Variants in DPF3 observed in about 807,000 individuals in gnomAD.
The protein encoded by DPF3 is zinc finger protein DPF3.
Under a neutral mutation model 56.8 loss-of-function variants are expected in DPF3, and 18 were observed. The ratio of observed to expected loss-of-function variants is 0.32; its 90% CI spans 0.22 to 0.47. DPF3 has a LOEUF of 0.47. Ranked by LOEUF, DPF3 falls within the 20% of genes least tolerant of loss-of-function variation. DPF3 has a pLI of 1.00. For missense variants in DPF3, 403 were observed against 488.8 expected, an observed-to-expected ratio of 0.82 and a Z score of 1.65; for synonymous variants, 188 against 180.2, an observed-to-expected ratio of 1.04 and a Z score of -0.35.
At chr14:72,620,099 TC>T in intron 9 of DPF3, 115 bp from the exon 10 acceptor site, 1 of 1,087,200 alleles carries the variant, frequency 9.2e-7, no homozygotes, top group Non-Finnish European at 1.3e-6. Context: ...GGATCCCCTT[TC>T]CAGGCCCCAC....
chr14:72,644,184 G>A (rs775277362), intron 8 of DPF3, among the ~76,000 whole-genome samples: 11 of 152,234 alleles, frequency 7.2e-5, no homozygotes, highest in South Asian at 6.2e-4. Flanking sequence ...CACTGCATAC[G>A]GGAGAAACAT....
Position 72,612,396 on chromosome 14 carries a change from T to C in DPF3, c.*6901A>G, listed in dbSNP as rs1883779926. On this transcript the variant is annotated 3_prime_UTR_variant, in exon 11 of 11. Coordinates refer to ENST00000556509, the MANE Select transcript of DPF3 (RefSeq NM_001280542.3). ...CTGAGATAATCATTCTATATTTTCA[T>C]GCTCTTGCTCACATATCAGGCAGTG... is the stretch of plus-strand genomic sequence containing the variant. The C allele has an allele frequency of 2.0e-6, 1 of 500,570 alleles. No individual in the cohort carries two copies. The highest frequency in any genetic ancestry group is 2.0e-5 in the Admixed American group (1 of 49,724). 31.0% of individuals were successfully genotyped at this position (500,570 alleles called of 1,614,324 possible).
rs201365227 is a variant in DPF3, at chr14:72,767,393, C to T, written c.193+4340G>A. ...GCAGCCATCATTAAAAGTGTTTCAA[C>T]GAGCAATTATGAACACATAAAACAC... On this transcript the variant is annotated intron_variant, in intron 2 of 10. Coordinates refer to ENST00000556509, the MANE Select transcript of DPF3 (RefSeq NM_001280542.3). Among the ~76,000 whole-genome samples, 14 of 152,012 alleles carry T rather than the reference C, an allele frequency of 9.2e-5. No homozygotes were observed. In the East Asian group the frequency reaches 1.2e-3, roughly 13 times the overall value.
chr14:72,790,520 G>T (rs1196569397), intron 1 of DPF3, among the ~76,000 whole-genome samples: 2 of 152,152 alleles, frequency 1.3e-5, no homozygotes, highest in African/African-American at 4.8e-5. Context: ...ACTTTACAGT[G>T]TACCAGGCAC....
chr14:72,744,794 GCATAAATTTTTTGTGA>G (rs143987394), intron 3 of DPF3, among the ~76,000 whole-genome samples: 4,408 of 152,138 alleles, frequency 0.029, 164 homozygotes, highest in Admixed American at 0.088. Flanking sequence ...CTGAATGTTG[GCATAAATTTTTTGTGA>G]CATCTCCTCA....
At chr14:72,627,845 T>C (rs1599314141) in intron 9 of DPF3, among the ~76,000 whole-genome samples, 1 of 152,126 alleles carries the variant, frequency 6.6e-6, no homozygotes, top group South Asian at 2.1e-4. Flanking sequence ...TTTGTTTATA[T>C]AGGTTTTGCA....
chr14:72,732,561 C>T (rs1213341654), intron 3 of DPF3, among the ~76,000 whole-genome samples: 1 of 152,216 alleles, frequency 6.6e-6, no homozygotes, highest in Non-Finnish European at 1.5e-5. Context: ...AGAGGAGCGA[C>T]GGCGAATGCC....
chr14:72,678,700 T>C (rs751397974), intron 7 of DPF3, among the ~76,000 whole-genome samples: 1 of 152,208 alleles, frequency 6.6e-6, no homozygotes, highest in Non-Finnish European at 1.5e-5. Flanking sequence ...TCCCGCTTTA[T>C]AGAATAAGAT....
intron 5 of DPF3, among the ~76,000 whole-genome samples, chr14:72,718,612 T>C (rs1889031466): frequency 6.6e-6 from 1 of 152,140 alleles, no homozygotes; most frequent in African/African-American, 2.4e-5. Context: ...TAAACCACAA[T>C]AGGTTCAGAG....
chr14:72,833,576 A>C (rs1320604515), intron 1 of DPF3, among the ~76,000 whole-genome samples: 1 of 152,088 alleles, frequency 6.6e-6, no homozygotes, highest in Non-Finnish European at 1.5e-5. Flanking sequence ...GGGAAAAAAA[A>C]AATTTAAGGG....
intron 2 of DPF3, among the ~76,000 whole-genome samples, chr14:72,769,993 T>C (rs1891455921): frequency 6.6e-6 from 1 of 152,198 alleles, no homozygotes; most frequent in Admixed American, 6.5e-5. Context: ...TTTTTCTTTA[T>C]AGAAGTTGTA....
intron 5 of DPF3, among the ~76,000 whole-genome samples, chr14:72,721,851 C>T (rs1025329709): frequency 6.6e-6 from 1 of 152,150 alleles, no homozygotes; most frequent in African/African-American, 2.4e-5. Flanking sequence ...AAATACCACC[C>T]TCCCACCACT....
chr14:72,773,633 C>T (rs931961816), intron 1 of DPF3, among the ~76,000 whole-genome samples: 5 of 152,182 alleles, frequency 3.3e-5, no homozygotes, highest in African/African-American at 7.2e-5. Flanking sequence ...TCCGCCTCTG[C>T]CCCCATCTCC....
intron 1 of DPF3, among the ~76,000 whole-genome samples, chr14:72,817,526 T>C (rs967954879): frequency 1.3e-5 from 2 of 152,000 alleles, no homozygotes; most frequent in African/African-American, 4.8e-5. Context: ...ATACAAAAAT[T>C]AGCCAGGCAT....
intron 7 of DPF3, 137 bp downstream of exon 7, chr14:72,692,939 C>T: frequency 6.9e-7 from 1 of 1,444,544 alleles, no homozygotes; most frequent in South Asian, 1.4e-5. Context: ...CTGAAAGGGC[C>T]AACACACTAC....
intron 1 of DPF3, among the ~76,000 whole-genome samples, chr14:72,775,041 C>G (rs1310800815): frequency 2.0e-5 from 3 of 152,140 alleles, no homozygotes; most frequent in East Asian, 3.9e-4. Context: ...CTCCAGCCCC[C>G]ACCCATGAAA....
chr14:72,766,997 C>T (rs992370168), intron 2 of DPF3, among the ~76,000 whole-genome samples: 1 of 152,108 alleles, frequency 6.6e-6, no homozygotes, highest in African/African-American at 2.4e-5. Context: ...CCTCCTCCTC[C>T]CAAGTAGGAT....
At chr14:72,778,830 CAAT>C (rs1322322923) in intron 1 of DPF3, among the ~76,000 whole-genome samples, 4 of 152,146 alleles carry the variant, frequency 2.6e-5, no homozygotes, top group African/African-American at 7.2e-5. Context: ...ACAAAGACAA[CAAT>C]AATAACACTA....
At chr14:72,753,395 A>T (rs763134948) in intron 2 of DPF3, 24 bp from the exon 3 acceptor site, 8 of 1,584,000 alleles carry the variant, frequency 5.1e-6, no homozygotes, top group Non-Finnish European at 6.0e-6. Flanking sequence ...CAATATAAAG[A>T]TTAAAGGCTC....
Sources: allele counts gnomAD v4.1 joint callset (sites outside exome capture counted in the v4.1 genomes callset), GRCh38; gene constraint gnomAD v4.1.1; transcripts MANE v1.5; gene names NCBI Gene and HGNC (gene_info 2026-07-23, HGNC 2026-07-21).